Variants in CNPY3 observed in about 807,000 individuals in gnomAD.
CNPY3 encodes canopy FGF signaling regulator 3.
Under a neutral mutation model 32.0 loss-of-function variants are expected in CNPY3, and 20 were observed. The ratio of observed to expected loss-of-function variants is 0.63; its 90% CI spans 0.44 to 0.91. The LOEUF (loss-of-function observed/expected upper bound fraction) is 0.91. Among genes scored for constraint, CNPY3 ranks in the 40% least tolerant of loss-of-function variants. The pLI is 0.00. For missense variants in CNPY3, 299 were observed against 340.8 expected, an observed-to-expected ratio of 0.88 and a Z score of 0.97; for synonymous variants, 138 against 142.9, an observed-to-expected ratio of 0.97 and a Z score of 0.24.
At chr6:42,934,999 G>C (rs1455130548) in intron 2 of CNPY3, among the ~76,000 whole-genome samples, 1 of 152,112 alleles carries the variant, frequency 6.6e-6, no homozygotes, top group Non-Finnish European at 1.5e-5. Flanking sequence ...CAAGTAGCTG[G>C]GATTACAGGC....
upstream of CNPY3, chr6:42,929,268 G>A (rs987237067): frequency 5.8e-6 from 2 of 342,386 alleles, no homozygotes; most frequent in African/African-American, 4.3e-5. Context: ...GGGTGGGAAA[G>A]GACTTTGCCA....
rs1768143998 is a variant in CNPY3, at chr6:42,935,364, C to G, written c.276-210C>G. ...GAATCATTTAGCTTTATAAAAAATT[C>G]CTTCCCTTAGAGCTGTTAAAATTTT... On this transcript the variant is annotated intron_variant, in intron 2 of 5. Transcript: ENST00000372836. 4.2e-6 allele frequency: 4 copies of G among 945,256 alleles called. No individual in the cohort carries two copies. In the South Asian group the frequency reaches 2.0e-4, roughly 46 times the overall value. The allele number at this position is 945,256 out of a possible 1,614,324, so 58.6% of individuals were successfully genotyped here. A position where few individuals can be genotyped will look rare whatever the true frequency, so the allele number is the denominator to read the frequency against.
At chr6:42,928,312 A>ATTTAT (rs1371086685), upstream of CNPY3, among the ~76,000 whole-genome samples, 1 of 136,504 alleles carries the variant, frequency 7.3e-6, no homozygotes, top group Non-Finnish European at 1.6e-5. Context: ...ATTTTGATTT[A>ATTTAT]TTTATTTTTG....
intron 3 of CNPY3, among the ~76,000 whole-genome samples, chr6:42,936,883 A>C (rs546624843): frequency 1.3e-5 from 2 of 152,304 alleles, no homozygotes; most frequent in African/African-American, 2.4e-5. Context: ...TGTGTATGCT[A>C]TACCACTGCT....
At position 42,932,494 on chromosome 6, in the gene CNPY3, G is replaced by A. The variant is rs150485839; in HGVS notation, c.152-1981G>A. Among the ~76,000 whole-genome samples the A allele has an allele frequency of 4.0e-3, 607 of 152,292 alleles. 3 individuals are homozygous for A. Among genetic ancestry groups the A allele is most frequent in the Middle Eastern group, 0.017 (5 of 294 alleles). ...GTGAGTCTGGTTCTGGGTGGGATCC[G>A]CAGAGGAGGTCTTGAAGAGGTAATG... On this transcript the variant is annotated intron_variant, in intron 1 of 5. Coordinates refer to ENST00000372836, the MANE Select transcript of CNPY3 (RefSeq NM_006586.5).
In CNPY3 at chr6:42,937,714, C is replaced by G; in HGVS notation, c.373-3C>G. On this transcript the variant is annotated splice_polypyrimidine_tract_variant and splice_region_variant and intron_variant, in intron 3 of 5. Coordinates refer to ENST00000372836, the MANE Select transcript of CNPY3 (RefSeq NM_006586.5). ...GCCTGCCATATCTGGTCGCTTCTTC[C>G]AGGGCATGTCAGAGACCTTTGAGAC... is the stretch of plus-strand genomic sequence containing the variant. 1 of 1,613,944 alleles carries G rather than the reference C, an allele frequency of 6.2e-7. No homozygotes were observed. The highest frequency in any genetic ancestry group is 8.5e-7 in the Non-Finnish European group (1 of 1,179,920).
At chr6:42,928,342 C>G (rs957664378), upstream of CNPY3, among the ~76,000 whole-genome samples, 2 of 151,446 alleles carry the variant, frequency 1.3e-5, no homozygotes, top group African/African-American at 4.9e-5. Context: ...GGGTGTCTCG[C>G]TATGTTGACC....
chr6:42,937,214 G>T (rs1267367605), intron 3 of CNPY3, among the ~76,000 whole-genome samples: 2 of 152,114 alleles, frequency 1.3e-5, no homozygotes, highest in Non-Finnish European at 2.9e-5. Context: ...GCAGCCGCAG[G>T]TCTTTTTGAA....
intron 1 of CNPY3, among the ~76,000 whole-genome samples, chr6:42,934,003 C>G (rs1169188618): frequency 6.6e-6 from 1 of 152,082 alleles, no homozygotes; most frequent in Non-Finnish European, 1.5e-5. Context: ...AAACCTGTCT[C>G]TACTAAAAAT....
intron 5 of CNPY3, 95 bp downstream of exon 5, chr6:42,938,302 G>GATCCTACAAT: frequency 2.1e-6 from 2 of 962,800 alleles, no homozygotes; most frequent in South Asian, 1.3e-5. Context: ...GGGCACCAGA[G>GATCCTACAAT]GGCATTGTAG....
upstream of CNPY3, chr6:42,929,238 C>T (rs1285351100): frequency 1.6e-5 from 4 of 251,032 alleles, no homozygotes; most frequent in South Asian, 7.9e-5. Flanking sequence ...CATCCTCTCT[C>T]TCCCAGAGCC....
At chr6:42,937,072 G>A (rs1372204064) in intron 3 of CNPY3, among the ~76,000 whole-genome samples, 4 of 152,112 alleles carry the variant, frequency 2.6e-5, no homozygotes, top group Admixed American at 2.0e-4. Context: ...TTCCCACTGA[G>A]GAAAGACACA....
At chr6:42,934,284 T>C (rs780186674) in intron 1 of CNPY3, among the ~76,000 whole-genome samples, 191 bp from the exon 2 acceptor site, 8 of 152,092 alleles carry the variant, frequency 5.3e-5, no homozygotes, top group African/African-American at 9.7e-5. Flanking sequence ...TAATCAGAAG[T>C]CAACATGGCA....
intron 3 of CNPY3, 70 bp downstream of exon 3, chr6:42,935,740 G>T (rs1768177167): frequency 1.1e-5 from 16 of 1,514,794 alleles, no homozygotes; most frequent in Non-Finnish European, 1.4e-5. Context: ...GTCTGCTGGT[G>T]TGAGTGTGAT....
chr6:42,932,338 C>T (rs947655686), intron 1 of CNPY3, among the ~76,000 whole-genome samples: 1 of 152,172 alleles, frequency 6.6e-6, no homozygotes, highest in Non-Finnish European at 1.5e-5. Context: ...CTGTGTCTAG[C>T]CCACCAAGCC....
intron 1 of CNPY3, among the ~76,000 whole-genome samples, chr6:42,930,916 G>A (rs1437878963): frequency 6.6e-6 from 1 of 150,386 alleles, no homozygotes; most frequent in Non-Finnish European, 1.5e-5. Context: ...TTATGAGACT[G>A]TCTGGCTCTG....
intron 1 of CNPY3, 150 bp from the exon 2 acceptor site, chr6:42,934,325 C>A: frequency 1.2e-6 from 1 of 861,252 alleles, no homozygotes; most frequent in Non-Finnish European, 1.8e-6. Context: ...TTGCTTTAGC[C>A]TCCACAGGTT....
chr6:42,935,020 A>G (rs1430819151), intron 2 of CNPY3, among the ~76,000 whole-genome samples: 1 of 152,044 alleles, frequency 6.6e-6, no homozygotes, highest in African/African-American at 2.4e-5. Flanking sequence ...ATGTGCCATC[A>G]CGCCCAGCTA....
At chr6:42,934,444 C>T in intron 1 of CNPY3, 31 bp from the exon 2 acceptor site, 1 of 1,613,410 alleles carries the variant, frequency 6.2e-7, no homozygotes, top group Non-Finnish European at 8.5e-7. Context: ...CTCATGTGCA[C>T]TCAGTGGGCT....
Sources: allele counts gnomAD v4.1 joint callset (sites outside exome capture counted in the v4.1 genomes callset), GRCh38; gene constraint gnomAD v4.1.1; transcripts MANE v1.5; gene names NCBI Gene and HGNC (gene_info 2026-07-23, HGNC 2026-07-21).